The following RORB variants were observed in gnomAD, a reference collection of about 807,000 sequenced individuals.
RORB encodes RAR related orphan receptor B.
In RORB, 6 loss-of-function variants were observed where a neutral mutation model predicts 59.1. That is an observed-to-expected ratio of 0.10 (90% CI 0.06 to 0.20). The LOEUF is 0.20. Ranked by LOEUF, RORB falls within the 10% of genes least tolerant of loss-of-function variation. The probability of loss-of-function intolerance (pLI) is 1.00; values close to 1 mark genes in which losing one functional copy is unlikely to be tolerated. For synonymous variants in RORB, 215 were observed against 204.5 expected (o/e 1.05, Z -0.44); for missense variants, 320 against 560.5 (o/e 0.57, Z 4.33).
At position 74,685,520 on chromosome 9, in the gene RORB, C is replaced by A. The variant is rs1232621559; in HGVS notation, c.1282C>A (p.Gln428Lys). 1 of 1,613,298 alleles carries A rather than the reference C, an allele frequency of 6.2e-7. No homozygotes were observed. The highest frequency in any genetic ancestry group is 2.2e-5 in the East Asian group (1 of 44,886). The change falls in exon 10 of 10, where the codon CAG becomes AAG. Residue 428 changes from glutamine to lysine, a missense_variant. Gln to Lys is a moderately conservative substitution (Grantham distance 53, BLOSUM62 1). Around this residue, in one of 4 missense-constraint regions of RORB, gnomAD observed 109 missense variants for 171.0 expected, o/e 0.64. Coordinates refer to ENST00000376896, the MANE Select transcript of RORB (RefSeq NM_006914.4). The part of the protein sequence containing the change: ...AVCNLHGEKL[Q>K]VFKQSHPEIV... ...TTGCAACTTGCACGGGGAGAAGCTG[C>A]AGGTATTTAAGCAATCTCATCCAGA...
At chr9:74,553,976 G>A (rs1351998380) in intron 1 of RORB, among the ~76,000 whole-genome samples, 6 of 152,160 alleles carry the variant, frequency 3.9e-5, no homozygotes, top group African/African-American at 7.2e-5. Context: ...GACCCACAGC[G>A]TCAGCATCAC....
chr9:74,642,364 A>T (rs1823822206), intron 3 of RORB, 50 bp from the exon 4 acceptor site: 1 of 1,543,878 alleles, frequency 6.5e-7, no homozygotes, highest in African/African-American at 1.4e-5. Flanking sequence ...GAGGTGGTTA[A>T]CGCGAATGAT....
intron 1 of RORB, among the ~76,000 whole-genome samples, chr9:74,609,088 T>G (rs4744722): frequency 6.6e-6 from 1 of 152,118 alleles, no homozygotes. Context: ...CTTCTATGCT[T>G]TCATCTATAA....
chr9:74,512,977 A>C (rs1443580408), intron 1 of RORB, among the ~76,000 whole-genome samples: 1 of 152,200 alleles, frequency 6.6e-6, no homozygotes, highest in African/African-American at 2.4e-5. Flanking sequence ...ATGAATGAGC[A>C]AAATCGTCTT....
At chr9:74,634,596 A>G (rs1823672659) in intron 2 of RORB, 35 bp from the exon 3 acceptor site, 2 of 1,561,434 alleles carry the variant, frequency 1.3e-6, no homozygotes, top group African/African-American at 2.7e-5. Context: ...CCTTCTTATA[A>G]ATCTGTTTCC....
chr9:74,589,154 A>T (rs1337550416), intron 1 of RORB, among the ~76,000 whole-genome samples: 2 of 152,190 alleles, frequency 1.3e-5, no homozygotes, highest in Non-Finnish European at 2.9e-5. Flanking sequence ...TATTCCTTGG[A>T]ATCATTTGTC....
At chr9:74,683,338 G>T (rs985906551) in intron 9 of RORB, among the ~76,000 whole-genome samples, 3 of 152,170 alleles carry the variant, frequency 2.0e-5, no homozygotes, top group African/African-American at 7.2e-5. Flanking sequence ...AGCGACTCCA[G>T]TTAAGTGGAC....
intron 1 of RORB, among the ~76,000 whole-genome samples, chr9:74,622,262 C>T (rs1238784896): frequency 6.6e-6 from 1 of 152,028 alleles, no homozygotes; most frequent in African/African-American, 2.4e-5. Context: ...AAATAAGGAA[C>T]TAAAGAGAGA....
chr9:74,630,874 A>G (rs186337835), intron 2 of RORB, among the ~76,000 whole-genome samples: 4 of 152,106 alleles, frequency 2.6e-5, no homozygotes, highest in Admixed American at 6.5e-5. Context: ...ATGGTATGTT[A>G]GAAGCCGAAA....
At chr9:74,622,967 C>G (rs1197992409) in intron 1 of RORB, among the ~76,000 whole-genome samples, 1 of 152,062 alleles carries the variant, frequency 6.6e-6, no homozygotes, top group Non-Finnish European at 1.5e-5. Context: ...GAGAGGAATG[C>G]CATAAATATC....
At position 74,663,489 on chromosome 9, in the gene RORB, C is replaced by T. The variant is rs149810182; in HGVS notation, c.892+883C>T. ...AAATATAACTGTTATTCTAAGATCC[C>T]TTCTTTACCAAATGACTCAAGTTGA... is the stretch of plus-strand genomic sequence containing the variant. On this transcript the variant is annotated intron_variant, in intron 6 of 9. Transcript: ENST00000376896. 8.0e-3 allele frequency among the ~76,000 whole-genome samples: 1,216 copies of T among 152,288 alleles called. 13 individuals are homozygous for T. Among genetic ancestry groups the T allele is most frequent in the African/African-American group, 0.028 (1,171 of 41,556 alleles).
intron 1 of RORB, among the ~76,000 whole-genome samples, chr9:74,586,409 A>T (rs1822800077): frequency 6.6e-6 from 1 of 152,084 alleles, no homozygotes; most frequent in African/African-American, 2.4e-5. Context: ...GAGGCAGGAG[A>T]ATCATTTGAG....
chr9:74,539,583 C>T (rs571446188), intron 1 of RORB, among the ~76,000 whole-genome samples: 3 of 152,178 alleles, frequency 2.0e-5, no homozygotes, highest in South Asian at 2.1e-4. Context: ...AGCCAGAAAA[C>T]GTTCTTGCCC....
At chr9:74,605,957 A>G (rs1156699121) in intron 1 of RORB, among the ~76,000 whole-genome samples, 2 of 152,178 alleles carry the variant, frequency 1.3e-5, no homozygotes, top group African/African-American at 4.8e-5. Context: ...TGTATCTCTA[A>G]CAAGTACACA....
At chr9:74,628,839 T>A (rs759686025) in intron 1 of RORB, among the ~76,000 whole-genome samples, 1 of 152,198 alleles carries the variant, frequency 6.6e-6, no homozygotes. Flanking sequence ...TAGGAATCAC[T>A]ACATTCTAAA....
intron 1 of RORB, among the ~76,000 whole-genome samples, chr9:74,573,007 T>A (rs1453956371): frequency 6.6e-6 from 1 of 152,212 alleles, no homozygotes; most frequent in African/African-American, 2.4e-5. Flanking sequence ...CTTATCTTCT[T>A]TGTATTAAAC....
intron 1 of RORB, among the ~76,000 whole-genome samples, chr9:74,563,639 C>T (rs977956322): frequency 6.6e-6 from 1 of 152,212 alleles, no homozygotes; most frequent in South Asian, 2.1e-4. Flanking sequence ...ACATTTTTGA[C>T]AGTGATGTGT....
At chr9:74,618,473 G>A (rs1448184970) in intron 1 of RORB, among the ~76,000 whole-genome samples, 1 of 152,084 alleles carries the variant, frequency 6.6e-6, no homozygotes, top group African/African-American at 2.4e-5. Context: ...CTAAAACAAA[G>A]ACATTGAAAT....
chr9:74,506,036 C>T (rs1825866935), intron 1 of RORB, among the ~76,000 whole-genome samples: 1 of 150,036 alleles, frequency 6.7e-6, no homozygotes, highest in Admixed American at 6.6e-5. Flanking sequence ...TATCCATATA[C>T]ATTTGTTTTT....
Sources: gnomAD v4.1 joint callset for allele counts (sites outside exome capture counted in the v4.1 genomes callset) on GRCh38, gnomAD v4.1.1 for gene constraint, gnomAD v4.1.1 regional missense constraint, MANE v1.5 for transcripts, NCBI Gene and HGNC (gene_info 2026-07-23, HGNC 2026-07-21) for gene names.